DMRTC1B: variants seen among roughly 807,000 people sequenced by gnomAD.
DMRTC1B encodes doublesex- and mab-3-related transcription factor C1.
intron 1 of DMRTC1B, chrX:72,807,301 C>T: frequency 3.0e-6 from 1 of 338,678 alleles, no homozygotes; most frequent in Non-Finnish European, 5.0e-6. Flanking sequence ...AGGAGGAGGG[C>T]AGACAGCCTA....
chrX:72,820,506 G>A (rs1284518665), intron 1 of DMRTC1B, among the ~76,000 whole-genome samples: 1 of 110,686 alleles, frequency 9.0e-6, no homozygotes, highest in Non-Finnish European at 1.9e-5. Context: ...TTATTGACCC[G>A]AGATATTTCT....
intron 1 of DMRTC1B, among the ~76,000 whole-genome samples, chrX:72,820,794 AT>A (rs1231260165): frequency 1.1e-4 from 7 of 65,645 alleles, no homozygotes; most frequent in Admixed American, 6.8e-4. Context: ...GATGTTTCTT[AT>A]TTTTTTTTAG....
chrX:72,815,612 A>G (rs1556347802), intron 1 of DMRTC1B, among the ~76,000 whole-genome samples: 1 of 109,544 alleles, frequency 9.1e-6, no homozygotes, highest in Non-Finnish European at 1.9e-5. Context: ...TCACTGGAGT[A>G]TACCTTATTT....
intron 1 of DMRTC1B, among the ~76,000 whole-genome samples, chrX:72,804,323 A>T (rs1382106178): frequency 7.1e-5 from 5 of 70,073 alleles, no homozygotes; most frequent in Admixed American, 1.7e-4. Context: ...GTGTGGTGGG[A>T]ACTGTCTCCA....
At chrX:72,807,347 C>A in intron 1 of DMRTC1B, 1 of 363,612 alleles carries the variant, frequency 2.8e-6, no homozygotes, top group Non-Finnish European at 4.5e-6. Context: ...TCTCCCTTCA[C>A]AACCCCACCA....
At chrX:72,832,675 AG>A (rs1414245496) in intron 1 of DMRTC1B, among the ~76,000 whole-genome samples, 2 of 100,448 alleles carry the variant, frequency 2.0e-5, no homozygotes, top group East Asian at 6.3e-4. Flanking sequence ...GGGGAGGGGG[AG>A]GGGGTGGGGG....
intron 1 of DMRTC1B, among the ~76,000 whole-genome samples, chrX:72,817,867 C>CGTGT (rs1297560791): frequency 1.9e-4 from 2 of 10,470 alleles, no homozygotes; most frequent in African/African-American, 3.1e-4. Flanking sequence ...TAGTTTTCTG[C>CGTGT]GTGTGTGTAT....
Position 72,807,456 on chromosome X carries a change from C to A in DMRTC1B, c.-95+30208C>A. On this transcript the variant is annotated intron_variant, in intron 1 of 6. Transcript: ENST00000334036. Reference sequence around the variant, plus strand: ...CAAGCGTGCCAGCATTTATTTCAGGCCCGGTGACCGGGACACTGGGGCGAG... The same window carrying A: ...CAAGCGTGCCAGCATTTATTTCAGGACCGGTGACCGGGACACTGGGGCGAG... 2 of 405,154 alleles carry A rather than the reference C, an allele frequency of 4.9e-6. 1 individual carries two copies. The highest frequency in any genetic ancestry group is 9.2e-5 in the South Asian group (2 of 21,636). The allele number at this position is 405,154 out of a possible 1,213,427, so 33.4% of individuals were successfully genotyped here. A position where few individuals can be genotyped will look rare whatever the true frequency, so the allele number is the denominator to read the frequency against.
At chrX:72,807,305 C>A (rs2054661754) in intron 1 of DMRTC1B, 2 of 336,149 alleles carry the variant, frequency 5.9e-6, no homozygotes, top group South Asian at 5.5e-5. Flanking sequence ...GGAGGGCAGA[C>A]AGCCTAACAG....
chrX:72,807,541 G>A lies in DMRTC1B; in HGVS notation c.-95+30293G>A. The stretch of plus-strand genomic sequence containing the variant: ...CGTTCACGCCTGTGTCTGTGGCTCC[G>A]GTGGTCTCAGATTCCGAGTGCCCGG... On this transcript the variant is annotated intron_variant, in intron 1 of 6. Transcript: ENST00000334036. 8 of 893,622 alleles carry A rather than the reference G, an allele frequency of 9.0e-6. 1 individual carries two copies. Among genetic ancestry groups the A allele is most frequent in the Non-Finnish European group, 1.0e-5 (7 of 688,598 alleles). 73.6% of individuals were successfully genotyped at this position (893,622 alleles called of 1,213,427 possible).
At chrX:72,820,515 C>CTTTTT (rs375115289) in intron 1 of DMRTC1B, among the ~76,000 whole-genome samples, 5 of 96,002 alleles carry the variant, frequency 5.2e-5, no homozygotes, top group Admixed American at 1.1e-4. Flanking sequence ...CGAGATATTT[C>CTTTTT]TTTTTTTTTT....
chrX:72,820,477 C>G (rs1603283012), intron 1 of DMRTC1B, among the ~76,000 whole-genome samples: 1 of 106,714 alleles, frequency 9.4e-6, no homozygotes, highest in African/African-American at 3.5e-5. Flanking sequence ...TTCCCAGGGT[C>G]TCAATGCGGA....
chrX:72,839,398 A>G (rs1249797360), intron 1 of DMRTC1B, among the ~76,000 whole-genome samples: 1 of 112,824 alleles, frequency 8.9e-6, no homozygotes, highest in African/African-American at 3.3e-5. Flanking sequence ...AACTGGGTGA[A>G]GTGTTTGGAA....
intron 1 of DMRTC1B, among the ~76,000 whole-genome samples, chrX:72,840,194 AAAGCAAAGCAAAG>A (rs2147879205): frequency 2.4e-4 from 1 of 4,141 alleles, no homozygotes. Flanking sequence ...AAAGCAAAGC[AAAGCAAAGCAAAG>A]CAAAGCAAAG....
At chrX:72,806,593 AT>A (rs372021714) in intron 1 of DMRTC1B, among the ~76,000 whole-genome samples, 15 of 9,910 alleles carry the variant, frequency 1.5e-3, no homozygotes, top group African/African-American at 3.0e-3. Context: ...CTAAGAAAGC[AT>A]TTTTTTTTTT....
intron 1 of DMRTC1B, among the ~76,000 whole-genome samples, chrX:72,792,750 G>GC (rs2054620305): frequency 1.3e-5 from 1 of 77,987 alleles, no homozygotes; most frequent in Non-Finnish European, 2.5e-5. Context: ...AGGCTCACCA[G>GC]GTCCTCAAGA....
Position 72,817,990 on chromosome X carries a change from T to C in DMRTC1B, c.-94-27052T>C, listed in dbSNP as rs201435122. Among the ~76,000 whole-genome samples the C allele has an allele frequency of 2.3e-3, 11 of 4,771 alleles. 3 individuals are homozygous for C. The highest frequency in any genetic ancestry group is 1.3e-3 in the Non-Finnish European group (1 of 741). 4.1% of individuals were successfully genotyped at this position (4,771 alleles called of 115,157 possible). A position where few individuals can be genotyped will look rare whatever the true frequency, so the allele number is the denominator to read the frequency against. On this transcript the variant is annotated intron_variant, in intron 1 of 6. Transcript: ENST00000334036. ...AAGTATTCCCTCCTCCTCTACCTTT[T>C]GAAGTACTTTGAGTAGGATTGGTAT...
intron 1 of DMRTC1B, among the ~76,000 whole-genome samples, chrX:72,804,543 A>T (rs1011192): frequency 0.042 from 2,124 of 50,253 alleles, 321 homozygotes; most frequent in African/African-American, 0.076. Flanking sequence ...GCACTGTATC[A>T]TGGCTCCCTC....
chrX:72,820,631 G>T (rs1172513943), intron 1 of DMRTC1B, among the ~76,000 whole-genome samples: 18 of 82,785 alleles, frequency 2.2e-4, no homozygotes, highest in Admixed American at 2.9e-4. Flanking sequence ...CCATTCTCCT[G>T]CCTCAGCCTC....
Sources: allele counts gnomAD v4.1 joint callset (sites outside exome capture counted in the v4.1 genomes callset), GRCh38; gene constraint gnomAD v4.1.1; transcripts MANE v1.5; gene names NCBI Gene and HGNC (gene_info 2026-07-23, HGNC 2026-07-21).